MAML2: variants seen among roughly 807,000 people sequenced by gnomAD.
MAML2 encodes the protein mastermind like transcriptional coactivator 2.
In MAML2, 22 loss-of-function variants were observed where a neutral mutation model predicts 96.1. That is an observed-to-expected ratio of 0.23 (90% CI 0.16 to 0.33). The LOEUF (loss-of-function observed/expected upper bound fraction) is 0.33, where lower values mean the gene tolerates loss of function less well. Among genes scored for constraint, MAML2 ranks in the 10% least tolerant of loss-of-function variants. The probability of loss-of-function intolerance (pLI) is 1.00; values close to 1 mark genes in which losing one functional copy is unlikely to be tolerated. For missense variants in MAML2, 1,367 were observed against 1,392.4 expected (o/e 0.98, Z 0.29); for synonymous variants, 561 against 521.3 (o/e 1.08, Z -1.04).
intron 1 of MAML2, among the ~76,000 whole-genome samples, chr11:96,322,018 T>C (rs138588150): frequency 3.3e-5 from 5 of 152,212 alleles, no homozygotes; most frequent in Non-Finnish European, 7.4e-5. Context: ...TTTTGGTAAA[T>C]ATGAGTAAAG....
chr11:96,094,791 A>T (rs1859797457), intron 1 of MAML2, among the ~76,000 whole-genome samples: 2 of 152,248 alleles, frequency 1.3e-5, no homozygotes, highest in Non-Finnish European at 2.9e-5. Flanking sequence ...TTTTCTCAGC[A>T]TAACTGTAAA....
chr11:95,976,742 G>C lies in MAML2; in HGVS notation c.*2206C>G, dbSNP rs528612350. 4.1e-4 allele frequency: 75 copies of C among 182,510 alleles called. No homozygotes were observed. The highest frequency in any genetic ancestry group is 1.6e-3 in the African/African-American group (67 of 42,642). 11.3% of individuals were successfully genotyped at this position (182,510 alleles called of 1,614,324 possible). A position where few individuals can be genotyped will look rare whatever the true frequency, so the allele number is the denominator to read the frequency against. ...AACTACTACAAAACATACTATTTAT[G>C]TTAGGGTAAAAATAAGCTGACTCAC... On this transcript the variant is annotated 3_prime_UTR_variant, in exon 5 of 5. Transcript: ENST00000524717.
At chr11:96,074,633 T>G (rs1859404993) in intron 2 of MAML2, among the ~76,000 whole-genome samples, 1 of 152,230 alleles carries the variant, frequency 6.6e-6, no homozygotes, top group African/African-American at 2.4e-5. Flanking sequence ...GATTCTATAT[T>G]GTCTGCATCA....
rs568304250 is a variant in MAML2 at position 96,240,557 on chromosome 11, C to CAACAAAAAAAAAAAAAAAAAAAAAAAAAA, written c.513+100825_513+100826insTTTTTTTTTTTTTTTTTTTTTTTTTTGTT. On this transcript the variant is annotated intron_variant, in intron 1 of 4. Coordinates refer to ENST00000524717, the MANE Select transcript of MAML2 (RefSeq NM_032427.4). ...TGGGCGACAGAGCGAGACTCCGTCT[C>CAACAAAAAAAAAAAAAAAAAAAAAAAAAA]AAAAAAAAAAAAAAAAAAAAAAAAA... 1.3e-3 allele frequency among the ~76,000 whole-genome samples: 68 copies of CAACAAAAAAAAAAAAAAAAAAAAAAAAAA among 51,098 alleles called. 15 individuals are homozygous for CAACAAAAAAAAAAAAAAAAAAAAAAAAAA. Among genetic ancestry groups the CAACAAAAAAAAAAAAAAAAAAAAAAAAAA allele is most frequent in the Middle Eastern group, 0.053 (2 of 38 alleles). The allele number at this position is 51,098 out of a possible 152,430, so 33.5% of individuals were successfully genotyped here.
chr11:96,301,364 T>C (rs756286365), intron 1 of MAML2, among the ~76,000 whole-genome samples: 3 of 152,184 alleles, frequency 2.0e-5, no homozygotes, highest in African/African-American at 7.2e-5. Context: ...AACTGGAGAA[T>C]GAGGGCCTCC....
At chr11:96,205,706 T>G (rs746708350) in intron 1 of MAML2, among the ~76,000 whole-genome samples, 1 of 152,236 alleles carries the variant, frequency 6.6e-6, no homozygotes, top group Non-Finnish European at 1.5e-5. Flanking sequence ...ATGAGCTGCC[T>G]TCTGCTCTTC....
chr11:96,264,118 C>T (rs1448184767), intron 1 of MAML2, among the ~76,000 whole-genome samples: 3 of 152,136 alleles, frequency 2.0e-5, no homozygotes, highest in African/African-American at 7.2e-5. Flanking sequence ...CTACATTTAC[C>T]CACAATTATC....
intron 1 of MAML2, among the ~76,000 whole-genome samples, chr11:96,213,425 A>C (rs779950582): frequency 1.3e-5 from 2 of 152,230 alleles, no homozygotes; most frequent in Non-Finnish European, 2.9e-5. Context: ...CATTACATTA[A>C]CAAACACTAA....
At chr11:96,232,593 C>T (rs1330984706) in intron 1 of MAML2, among the ~76,000 whole-genome samples, 2 of 152,170 alleles carry the variant, frequency 1.3e-5, no homozygotes, top group Non-Finnish European at 2.9e-5. Context: ...CCTCAGCCTC[C>T]CGAGTAGCTG....
In MAML2 at chr11:95,989,312, G is replaced by A. The variant is rs533840983; in HGVS notation, c.2343+2208C>T. Reference sequence around the variant, plus strand: ...ACCCTCAATGGTGTCCAAACAAAGAGAAATGTGAATGGTTTTTAAAAATCA... The same window carrying A: ...ACCCTCAATGGTGTCCAAACAAAGAAAAATGTGAATGGTTTTTAAAAATCA... On this transcript the variant is annotated intron_variant, in intron 3 of 4. Coordinates refer to ENST00000524717, the MANE Select transcript of MAML2 (RefSeq NM_032427.4). 2.0e-5 allele frequency among the ~76,000 whole-genome samples: 3 copies of A among 152,156 alleles called. No individual in the cohort carries two copies. In the East Asian group the frequency reaches 5.8e-4, roughly 29 times the overall value.
intron 1 of MAML2, among the ~76,000 whole-genome samples, chr11:96,291,756 T>C (rs748943092): frequency 6.6e-5 from 10 of 152,226 alleles, no homozygotes; most frequent in Non-Finnish European, 1.2e-4. Flanking sequence ...GCATACATCA[T>C]CTTTTTATTC....
At chr11:96,180,465 G>C (rs1324193137) in intron 1 of MAML2, among the ~76,000 whole-genome samples, 2 of 152,148 alleles carry the variant, frequency 1.3e-5, no homozygotes, top group Admixed American at 1.3e-4. Context: ...AAGAAGCCTG[G>C]GTCACAGAGA....
chr11:96,150,742 T>C (rs1485338815), intron 1 of MAML2, among the ~76,000 whole-genome samples: 1 of 152,176 alleles, frequency 6.6e-6, no homozygotes, highest in Non-Finnish European at 1.5e-5. Context: ...TCCATCCCTG[T>C]GGTCACTACT....
At chr11:96,143,034 C>A (rs1860760519) in intron 1 of MAML2, among the ~76,000 whole-genome samples, 1 of 152,124 alleles carries the variant, frequency 6.6e-6, no homozygotes, top group Non-Finnish European at 1.5e-5. Context: ...ATAGCAATAA[C>A]CTTTTAAAAC....
intron 1 of MAML2, among the ~76,000 whole-genome samples, chr11:96,332,909 C>T (rs916878911): frequency 6.6e-6 from 1 of 152,186 alleles, no homozygotes; most frequent in African/African-American, 2.4e-5. Context: ...CTTCTTTGCA[C>T]CCTGGTTACC....
At chr11:96,219,452 T>TATGTTAACC (rs1862099714) in intron 1 of MAML2, among the ~76,000 whole-genome samples, 1 of 152,234 alleles carries the variant, frequency 6.6e-6, no homozygotes, top group African/African-American at 2.4e-5. Flanking sequence ...TTTTGCTTAA[T>TATGTTAACC]ATGTTAACCA....
In MAML2 at chr11:96,093,106, G is replaced by A. The variant is rs762727987; in HGVS notation, c.925C>T (p.Leu309=). The change falls in exon 2 of 5, where the codon CTG becomes TTG. Residue 309 remains leucine (L), a synonymous_variant. Coordinates refer to ENST00000524717, the MANE Select transcript of MAML2 (RefSeq NM_032427.4). Reference sequence around the variant, plus strand: ...GATATGTTGGTCAGTTCATTGAACAGTTCCTGCAGCTCAGGATCCATCAGT... The same window carrying A: ...GATATGTTGGTCAGTTCATTGAACAATTCCTGCAGCTCAGGATCCATCAGT... ...EQLMDPELQE[L]FNELTNISVP... 1.9e-6 allele frequency: 3 copies of A among 1,614,028 alleles called. No homozygotes were observed. Among genetic ancestry groups the A allele is most frequent in the Non-Finnish European group, 2.5e-6 (3 of 1,179,904 alleles).
chr11:96,214,635 T>C (rs1382379617), intron 1 of MAML2, among the ~76,000 whole-genome samples: 1 of 152,192 alleles, frequency 6.6e-6, no homozygotes, highest in Non-Finnish European at 1.5e-5. Context: ...ATTTTCCTAA[T>C]GAGAAGCACT....
At chr11:96,001,418 A>G (rs930377927) in intron 2 of MAML2, among the ~76,000 whole-genome samples, 2 of 152,214 alleles carry the variant, frequency 1.3e-5, no homozygotes, top group Non-Finnish European at 2.9e-5. Flanking sequence ...TTTCTGCTCT[A>G]TAAGTTGGCT....
Sources: allele counts gnomAD v4.1 joint callset (sites outside exome capture counted in the v4.1 genomes callset), GRCh38; gene constraint gnomAD v4.1.1; transcripts MANE v1.5; gene names NCBI Gene and HGNC (gene_info 2026-07-23, HGNC 2026-07-21).